CSMD3: variants seen among roughly 807,000 people sequenced by gnomAD.
CSMD3 encodes CUB and sushi domain-containing protein 3.
A neutral mutation model predicts 435.2 loss-of-function variants in CSMD3; 177 were observed. The ratio of observed to expected loss-of-function variants is 0.41; its 90% CI spans 0.36 to 0.46. The LOEUF is 0.46. Among genes scored for constraint, CSMD3 ranks in the 20% least tolerant of loss-of-function variants. CSMD3 has a pLI of 0.34. For missense variants in CSMD3, 4,265 were observed against 4,504.6 expected (o/e 0.95, Z 1.52); for synonymous variants, 1,656 against 1,520.5 (o/e 1.09, Z -2.07).
chr8:113,113,727 A>AAGTAACTGC (rs1160864476), intron 4 of CSMD3, among the ~76,000 whole-genome samples: 2 of 152,216 alleles, frequency 1.3e-5, no homozygotes, highest in African/African-American at 4.8e-5. Context: ...TACTTGTCCT[A>AAGTAACTGC]AGTAACTGCT....
At chr8:112,563,158 G>A (rs1434395630) in intron 24 of CSMD3, among the ~76,000 whole-genome samples, 1 of 151,726 alleles carries the variant, frequency 6.6e-6, no homozygotes, top group African/African-American at 2.4e-5. Flanking sequence ...AAAGAAAATG[G>A]TGAAGAAGAG....
intron 13 of CSMD3, among the ~76,000 whole-genome samples, chr8:112,759,546 A>G (rs903506985): frequency 7.9e-5 from 12 of 152,080 alleles, no homozygotes; most frequent in African/African-American, 2.7e-4. Context: ...TTTGGTTCTT[A>G]CTACATGATT....
chr8:112,377,768 C>CA lies in CSMD3; in HGVS notation c.6136+2583dup, dbSNP rs563401803. On this transcript the variant is annotated intron_variant, in intron 38 of 70. Transcript: ENST00000297405. The stretch of plus-strand genomic sequence containing the variant: ...AGGCACATAATTGTATCAATGAATG[C>CA]AAAAAAAGTATTTGAATGTATGTGA... Among the ~76,000 whole-genome samples the CA allele has an allele frequency of 3.3e-3, 507 of 151,442 alleles. 1 individual carries two copies. Among genetic ancestry groups the CA allele is most frequent in the Non-Finnish European group, 5.7e-3 (386 of 67,814 alleles).
intron 22 of CSMD3, among the ~76,000 whole-genome samples, chr8:112,591,618 T>C (rs556339852): frequency 6.6e-6 from 1 of 152,254 alleles, no homozygotes; most frequent in Non-Finnish European, 1.5e-5. Flanking sequence ...CAAAATATAC[T>C]TGATTTAGAT....
intron 6 of CSMD3, among the ~76,000 whole-genome samples, chr8:113,014,891 C>T (rs1308025424): frequency 1.3e-5 from 2 of 152,040 alleles, no homozygotes; most frequent in African/African-American, 4.8e-5. Flanking sequence ...GTCTTAATAC[C>T]TTTTAATTTA....
rs1040723689 is a variant in CSMD3 at position 113,164,428 on chromosome 8, A to G, written c.709+9294T>C. Among the ~76,000 whole-genome samples, 6 of 151,850 alleles carry G rather than the reference A, an allele frequency of 4.0e-5. No individual in the cohort carries two copies. The South Asian group carries it at 1.2e-3, about 31-fold the overall frequency. On this transcript the variant is annotated intron_variant, in intron 4 of 70. Coordinates refer to ENST00000297405, the MANE Select transcript of CSMD3 (RefSeq NM_198123.2). ...AAAATATAAGGAATTAGTGCAAAAAAAAAAAGAAAAAAAAACAATTCCTCC... is the reference window on the plus strand; with the variant it reads ...AAAATATAAGGAATTAGTGCAAAAAGAAAAAGAAAAAAAAACAATTCCTCC...
At chr8:113,321,722 C>A (rs945739481) in intron 1 of CSMD3, among the ~76,000 whole-genome samples, 7 of 152,188 alleles carry the variant, frequency 4.6e-5, no homozygotes, top group Non-Finnish European at 8.8e-5. Context: ...ACTCTCCAAA[C>A]TTCCACATTG....
At chr8:112,329,739 C>A (rs187647558) in intron 45 of CSMD3, among the ~76,000 whole-genome samples, 1 of 152,090 alleles carries the variant, frequency 6.6e-6, no homozygotes, top group Non-Finnish European at 1.5e-5. Flanking sequence ...ACCTTATCAA[C>A]TGGGCATATA....
chr8:112,865,772 GATGAA>G (rs1368211055), intron 10 of CSMD3, among the ~76,000 whole-genome samples: 2 of 149,892 alleles, frequency 1.3e-5, no homozygotes, highest in African/African-American at 4.9e-5. Context: ...ATGTCACATT[GATGAA>G]AGCAAGAACT....
At chr8:113,225,593 T>C (rs1208606005) in intron 3 of CSMD3, among the ~76,000 whole-genome samples, 1 of 151,514 alleles carries the variant, frequency 6.6e-6, no homozygotes, top group Admixed American at 6.6e-5. Context: ...TACTTATTGG[T>C]ACACTGACTA....
chr8:112,704,379 C>T (rs140813171), intron 13 of CSMD3, among the ~76,000 whole-genome samples: 79 of 152,176 alleles, frequency 5.2e-4, no homozygotes, highest in East Asian at 3.1e-3. Flanking sequence ...ATATCATTAA[C>T]GTGAAGTTGT....
At chr8:112,735,205 C>T (rs993057967) in intron 13 of CSMD3, among the ~76,000 whole-genome samples, 4 of 152,034 alleles carry the variant, frequency 2.6e-5, no homozygotes, top group East Asian at 3.9e-4. Flanking sequence ...CTGTATATAG[C>T]GAAGTATGAG....
intron 1 of CSMD3, among the ~76,000 whole-genome samples, chr8:113,382,383 C>A (rs2094419950): frequency 1.3e-5 from 2 of 152,008 alleles, no homozygotes; most frequent in African/African-American, 2.4e-5. Context: ...ATGAGTCAGT[C>A]TTTTTTATTT....
chr8:113,328,593 TG>T (rs2094002021), intron 1 of CSMD3, among the ~76,000 whole-genome samples: 1 of 151,818 alleles, frequency 6.6e-6, no homozygotes, highest in Admixed American at 6.6e-5. Context: ...AGTCACTAAG[TG>T]AACAAATATC....
chr8:113,381,934 ATT>A (rs2094417579), intron 1 of CSMD3, among the ~76,000 whole-genome samples: 1 of 152,152 alleles, frequency 6.6e-6, no homozygotes, highest in Non-Finnish European at 1.5e-5. Context: ...TCAGATTTAT[ATT>A]TGTTTATTTT....
intron 10 of CSMD3, among the ~76,000 whole-genome samples, chr8:112,895,415 C>G (rs1001322878): frequency 6.6e-6 from 1 of 150,854 alleles, no homozygotes; most frequent in African/African-American, 2.4e-5. Context: ...AAGAGGAAAG[C>G]CCAAAGCAAA....
intron 13 of CSMD3, among the ~76,000 whole-genome samples, chr8:112,796,898 G>A (rs1174897492): frequency 6.6e-6 from 1 of 151,932 alleles, no homozygotes; most frequent in Non-Finnish European, 1.5e-5. Flanking sequence ...GAGGTTGGTG[G>A]CATTTTATTC....
At position 112,833,175 on chromosome 8, in the gene CSMD3, GT is replaced by G. The variant is rs1234059710; in HGVS notation, c.1756-3387del. 3.3e-5 allele frequency among the ~76,000 whole-genome samples: 5 copies of G among 151,966 alleles called. No homozygotes were observed. In the East Asian group the frequency reaches 9.7e-4, roughly 29 times the overall value. ...CCATTTGTCTTTCACATATCAACTT[GT>G]AAAATTCTTCAAAAATTTATTTTGG... On this transcript the variant is annotated intron_variant, in intron 11 of 70. Transcript: ENST00000297405.
chr8:113,088,176 G>T (rs1389558229), intron 5 of CSMD3, among the ~76,000 whole-genome samples: 1 of 150,070 alleles, frequency 6.7e-6, no homozygotes. Context: ...TCTCACACCA[G>T]TTAGAATGGC....
Sources: gnomAD v4.1 joint callset for allele counts (sites outside exome capture counted in the v4.1 genomes callset) on GRCh38, gnomAD v4.1.1 for gene constraint, MANE v1.5 for transcripts, NCBI Gene and HGNC (gene_info 2026-07-23, HGNC 2026-07-21) for gene names.